The following FAR2 variants were observed in gnomAD, a reference collection of about 807,000 sequenced individuals.
FAR2 encodes the protein epididymis secretory protein Li 81.
A neutral mutation model predicts 56.0 loss-of-function variants in FAR2; 19 were observed. The ratio of observed to expected loss-of-function variants is 0.34; its 90% confidence interval spans 0.24 to 0.50. The LOEUF (loss-of-function observed/expected upper bound fraction) is 0.50. Among genes scored for constraint, FAR2 ranks in the 20% least tolerant of loss-of-function variants. The pLI is 0.98. For synonymous variants in FAR2, 219 were observed against 218.8 expected, an observed-to-expected ratio of 1.00 and a Z score of -0.01; for missense variants, 508 against 642.2, an observed-to-expected ratio of 0.79 and a Z score of 2.26.
At chr12:29,251,696 A>G (rs1948213991) in intron 1 of FAR2, among the ~76,000 whole-genome samples, 1 of 152,188 alleles carries the variant, frequency 6.6e-6, no homozygotes, top group African/African-American at 2.4e-5. Flanking sequence ...AGAAACAACT[A>G]GAACTGCCTC....
Position 29,217,181 on chromosome 12 carries a change from T to C in FAR2, c.-38-53231T>C, listed in dbSNP as rs1277658528. On this transcript the variant is annotated intron_variant, in intron 1 of 11. Coordinates refer to ENST00000536681, the MANE Select transcript of FAR2 (RefSeq NM_001271783.2). ...TTCAAAAAACTACAAATAAAAATGG[T>C]CTAAAGAAATGAAAATTTAGAGAAG... Among the ~76,000 whole-genome samples, 3 of 152,172 alleles carry C rather than the reference T, an allele frequency of 2.0e-5. No individual in the cohort carries two copies. The East Asian group carries it at 5.8e-4, about 29-fold the overall frequency.
chr12:29,230,464 G>A (rs184914758), intron 1 of FAR2, among the ~76,000 whole-genome samples: 1 of 152,102 alleles, frequency 6.6e-6, no homozygotes, highest in East Asian at 1.9e-4. Context: ...CAATCAGAGA[G>A]GTCATGGGGC....
chr12:29,239,395 A>G (rs950637197), intron 1 of FAR2, among the ~76,000 whole-genome samples: 1 of 152,128 alleles, frequency 6.6e-6, no homozygotes, highest in Non-Finnish European at 1.5e-5. Flanking sequence ...TTTTGTATCT[A>G]GAAAAGTATT....
At chr12:29,174,423 CTTTTTTTTTTTTTTTTT>C (rs55827253) in intron 1 of FAR2, among the ~76,000 whole-genome samples, 1 of 55,422 alleles carries the variant, frequency 1.8e-5, no homozygotes, top group African/African-American at 8.2e-5. Context: ...GGTTTTTATT[CTTTTTTTTTTTTTTTTT>C]TTTTTTTTTT....
Position 29,201,077 on chromosome 12 carries a change from C to T in FAR2, c.-39+51670C>T, listed in dbSNP as rs112089959. 3.6e-3 allele frequency among the ~76,000 whole-genome samples: 546 copies of T among 152,238 alleles called. 4 individuals carry two copies. The highest frequency in any genetic ancestry group is 0.013 in the African/African-American group (521 of 41,566). On this transcript the variant is annotated intron_variant, in intron 1 of 11. Transcript: ENST00000536681. ...AGGAGTGCTGCCGCAACTATCCCTTCCACCCTGTCTAGCATTTGGATGCCC... is the reference window on the plus strand; with the variant it reads ...AGGAGTGCTGCCGCAACTATCCCTTTCACCCTGTCTAGCATTTGGATGCCC...
In FAR2 at chr12:29,232,819, G is replaced by GTGCACA. The variant is rs1174615889; in HGVS notation, c.-38-37593_-38-37592insTGCACA. ...CACACACACACACACATACGCGCTC[G>GTGCACA]CGCACACACACACACACACACACAC... is the stretch of plus-strand genomic sequence containing the variant. On this transcript the variant is annotated intron_variant, in intron 1 of 11. Coordinates refer to ENST00000536681, the MANE Select transcript of FAR2 (RefSeq NM_001271783.2). Among the ~76,000 whole-genome samples the GTGCACA allele has an allele frequency of 9.8e-4, 115 of 116,842 alleles. 1 individual carries two copies. In the South Asian group the frequency reaches 0.019, roughly 20 times the overall value. The allele number at this position is 116,842 out of a possible 152,430, so 76.7% of individuals were successfully genotyped here.
chr12:29,186,415 T>C (rs1354544506), intron 1 of FAR2, among the ~76,000 whole-genome samples: 1 of 152,212 alleles, frequency 6.6e-6, no homozygotes, highest in African/African-American at 2.4e-5. Context: ...ATTGGTCTGA[T>C]AGACTGTTTT....
intron 1 of FAR2, among the ~76,000 whole-genome samples, chr12:29,253,379 A>ATC (rs1948264948): frequency 2.1e-5 from 3 of 145,092 alleles, no homozygotes; most frequent in African/African-American, 5.2e-5. Context: ...ATCTATCTAG[A>ATC]TAGATAGATA....
chr12:29,253,220 G>A (rs10771504), intron 1 of FAR2, among the ~76,000 whole-genome samples: 1,145 of 50,360 alleles, frequency 0.023, 81 homozygotes, highest in East Asian at 0.11. Context: ...TCTATATATC[G>A]ATATCTATCT....
At chr12:29,263,489 CA>C (rs1284768283) in intron 1 of FAR2, among the ~76,000 whole-genome samples, 1 of 151,874 alleles carries the variant, frequency 6.6e-6, no homozygotes, top group Non-Finnish European at 1.5e-5. Flanking sequence ...AAGTCAACAA[CA>C]AGACCAATTT....
intron 3 of FAR2, 71 bp from the exon 4 acceptor site, chr12:29,296,950 G>C: frequency 7.2e-7 from 1 of 1,388,366 alleles, no homozygotes; most frequent in South Asian, 1.5e-5. Flanking sequence ...AGTTATTGGA[G>C]TAGGTGCAGT....
intron 1 of FAR2, among the ~76,000 whole-genome samples, chr12:29,255,993 C>T (rs541008253): frequency 1.3e-5 from 2 of 152,198 alleles, no homozygotes; most frequent in African/African-American, 4.8e-5. Context: ...ACTCAGCCTC[C>T]TGAGTTGCTG....
At chr12:29,278,216 C>T (rs1297379203) in intron 2 of FAR2, among the ~76,000 whole-genome samples, 1 of 151,860 alleles carries the variant, frequency 6.6e-6, no homozygotes, top group African/African-American at 2.4e-5. Context: ...CAAGTGTGAG[C>T]CACCACACCT....
intron 4 of FAR2, among the ~76,000 whole-genome samples, chr12:29,304,188 G>A (rs143699382): frequency 1.2e-3 from 187 of 152,140 alleles, no homozygotes; most frequent in Admixed American, 3.1e-3. Flanking sequence ...CTACAACCTC[G>A]TCTTCTTTTG....
At chr12:29,297,249 T>C in intron 4 of FAR2, 49 bp downstream of exon 4, 1 of 1,505,166 alleles carries the variant, frequency 6.6e-7, no homozygotes, top group Non-Finnish European at 9.0e-7. Context: ...ATAAGTTCCT[T>C]TGTTCTCTTT....
chr12:29,179,833 T>C (rs905701497), intron 1 of FAR2, among the ~76,000 whole-genome samples: 2 of 152,160 alleles, frequency 1.3e-5, no homozygotes, highest in South Asian at 4.1e-4. Context: ...GGGACCACCG[T>C]TGATGGGAAT....
intron 1 of FAR2, among the ~76,000 whole-genome samples, chr12:29,221,709 G>A (rs1947693984): frequency 6.6e-6 from 1 of 152,100 alleles, no homozygotes; most frequent in South Asian, 2.1e-4. Flanking sequence ...ATATACGTAA[G>A]AATGATATAT....
chr12:29,282,111 AC>A (rs1386868665), intron 2 of FAR2: 2 of 151,992 alleles, frequency 1.3e-5, no homozygotes, highest in African/African-American at 4.8e-5. Context: ...CTGCACCTTT[AC>A]CCCCTCCCCC....
intron 1 of FAR2, chr12:29,223,901 G>C (rs1258441148): frequency 6.6e-6 from 1 of 152,208 alleles, no homozygotes; most frequent in African/African-American, 2.4e-5. Flanking sequence ...AAAGGTAAGA[G>C]AAAACCAAGC....
Sources: gnomAD v4.1 joint callset for allele counts (sites outside exome capture counted in the v4.1 genomes callset) on GRCh38, gnomAD v4.1.1 for gene constraint, MANE v1.5 for transcripts, NCBI Gene and HGNC (gene_info 2026-07-23, HGNC 2026-07-21) for gene names.